HCAR3: variants seen among roughly 807,000 people sequenced by gnomAD.
HCAR3 encodes hydroxycarboxylic acid receptor 3.
For missense variants in HCAR3, 404 were observed against 501.2 expected (o/e 0.81, Z 1.85); for synonymous variants, 167 against 201.0 (o/e 0.83, Z 1.43).
In HCAR3 at chr12:122,715,853, G is replaced by T; in HGVS notation, c.885C>A (p.Tyr295Ter). Residue 295 changes from tyrosine (Y) to a stop codon, truncating the protein, a stop_gained, in exon 1 of 1, where the codon TAC (tyrosine) becomes TAA (stop). Coordinates refer to ENST00000528880, the MANE Select transcript of HCAR3 (RefSeq NM_006018.3). LOFTEE classifies it low-confidence loss of function (END_TRUNC). ...MNSMLDPVVY[Y>*]FSSPSFPNFF... ...AGTTGGGAAAGGATGGGCTGGAGAA[G>T]TAGTACACCACGGGGTCCAGCATGC... 6.3e-7 allele frequency: 1 copy of T among 1,592,198 alleles called. No homozygotes were observed. Among genetic ancestry groups the T allele is most frequent in the Non-Finnish European group, 8.6e-7 (1 of 1,165,944 alleles).
In HCAR3 at chr12:122,716,187, T is replaced by C. The variant is rs749832271; in HGVS notation, c.551A>G (p.His184Arg). 1.9e-6 allele frequency: 3 copies of C among 1,614,092 alleles called. No homozygotes were observed. Among genetic ancestry groups the C allele is most frequent in the East Asian group, 2.2e-5 (1 of 44,876 alleles). ...CATAGCTTCGTGCCACCGGAAGGTA[T>C]GGCAGATGCTGAAGCTGATGCACAC... ...ANVCISFSIC[H>R]TFRWHEAMFL... Residue 184 changes from histidine to arginine, a missense_variant, in exon 1 of 1, where the codon CAT becomes CGT. By Grantham distance (29) the His-to-Arg change is conservative. Coordinates refer to ENST00000528880, the MANE Select transcript of HCAR3 (RefSeq NM_006018.3).
Position 122,716,462 on chromosome 12 carries a change from G to A in HCAR3, c.276C>T (p.Asp92=), listed in dbSNP as rs1455654097. The stretch of plus-strand genomic sequence containing the variant: ...GGCAAGGGATGTCCCCAAACTTCCA[G>A]TCTGAACGCCGCACATAGTAGTCCA... ...FVMDYYVRRS[D]WKFGDIPCRL... is the part of the protein sequence containing the mutation. The change falls in exon 1 of 1, where the codon GAC becomes GAT. Residue 92 remains aspartate (D), a synonymous_variant. Coordinates refer to ENST00000528880, the MANE Select transcript of HCAR3 (RefSeq NM_006018.3). 6.2e-7 allele frequency: 1 copy of A among 1,613,980 alleles called. No individual in the cohort carries two copies. The highest frequency in any genetic ancestry group is 1.7e-5 in the Admixed American group (1 of 59,978).
At position 122,715,668 on chromosome 12, in the gene HCAR3, T is replaced by A; in HGVS notation, c.1070A>T (p.Tyr357Phe). ...ATGGTTATTTGAGGTTGGGCCCAGATAAGAGGGGCTCCATGGCTCACCGGA... is the reference window on the plus strand; with the variant it reads ...ATGGTTATTTGAGGTTGGGCCCAGAAAAGAGGGGCTCCATGGCTCACCGGA... The part of the protein sequence containing the change: ...ANSGEPWSPS[Y>F]LGPTSNNHSK... Residue 357 changes from tyrosine to phenylalanine, a missense_variant, in exon 1 of 1, where the codon TAT becomes TTT. Transcript: ENST00000528880. 1 of 1,613,996 alleles carries A rather than the reference T, an allele frequency of 6.2e-7. No individual in the cohort carries two copies. Among genetic ancestry groups the A allele is most frequent in the African/African-American group, 1.3e-5 (1 of 74,966 alleles).
chr12:122,715,491 T>G lies in HCAR3; in HGVS notation c.*83A>C. ...CTGCGGTCACACCTTGCAACCAGTC[T>G]CCCACTCATCTGCCACAGTTTCCCT... is the stretch of plus-strand genomic sequence containing the variant. On this transcript the variant is annotated 3_prime_UTR_variant, in exon 1 of 1. Coordinates refer to ENST00000528880, the MANE Select transcript of HCAR3 (RefSeq NM_006018.3). 1 of 1,437,688 alleles carries G rather than the reference T, an allele frequency of 7.0e-7. No individual in the cohort carries two copies. The highest frequency in any genetic ancestry group is 2.3e-5 in the East Asian group (1 of 44,214). 89.1% of individuals were successfully genotyped at this position (1,437,688 alleles called of 1,614,324 possible).
In HCAR3 at chr12:122,715,469, C is replaced by G; in HGVS notation, c.*105G>C. 1.6e-6 allele frequency: 2 copies of G among 1,240,762 alleles called. No individual in the cohort carries two copies. Among genetic ancestry groups the G allele is most frequent in the Non-Finnish European group, 2.3e-6 (2 of 883,986 alleles). The allele number at this position is 1,240,762 out of a possible 1,614,324, so 76.9% of individuals were successfully genotyped here. On this transcript the variant is annotated 3_prime_UTR_variant, in exon 1 of 1. Coordinates refer to ENST00000528880, the MANE Select transcript of HCAR3 (RefSeq NM_006018.3). ...ACTCTCTGTTCCTCCAGGATTCCTG[C>G]GGTCACACCTTGCAACCAGTCTCCC...
At position 122,716,155 on chromosome 12, in the gene HCAR3, G is replaced by A. The variant is rs775502913; in HGVS notation, c.583C>T (p.Leu195=). ...TFRWHEAMFL[L]EFFLPLGIIL... is the part of the protein sequence containing the mutation. ...ATGCCCAGGGGCAGGAAGAACTCCA[G>A]GAGGAACATAGCTTCGTGCCACCGG... The change falls in exon 1 of 1, where the codon CTG becomes TTG. Residue 195 remains leucine (L), a synonymous_variant. Coordinates refer to ENST00000528880, the MANE Select transcript of HCAR3 (RefSeq NM_006018.3). The A allele has an allele frequency of 3.1e-6, 5 of 1,613,966 alleles. No homozygotes were observed. In the African/African-American group the frequency reaches 6.7e-5, roughly 22 times the overall value.
Position 122,716,110 on chromosome 12 carries a change from T to C in HCAR3, c.628A>G (p.Arg210Gly). The stretch of plus-strand genomic sequence containing the variant: ...CTCTGCCGCAGGCTCCAGATAATTC[T>C]GGCTGAGCAGAACAGGATGATGCCC... The part of the protein sequence containing the change: ...PLGIILFCSA[R>G]IIWSLRQRQM... The change falls in exon 1 of 1, where the codon AGA becomes GGA. Residue 210 changes from arginine to glycine, a missense_variant. Physicochemically the swap from Arg to Gly is moderately radical, Grantham distance 125. Coordinates refer to ENST00000528880, the MANE Select transcript of HCAR3 (RefSeq NM_006018.3). 1 of 1,613,584 alleles carries C rather than the reference T, an allele frequency of 6.2e-7. No individual in the cohort carries two copies. Among genetic ancestry groups the C allele is most frequent in the Non-Finnish European group, 8.5e-7 (1 of 1,179,824 alleles).
At position 122,715,493 on chromosome 12, in the gene HCAR3, C is replaced by A. The variant is rs1193086357; in HGVS notation, c.*81G>T. On this transcript the variant is annotated 3_prime_UTR_variant, in exon 1 of 1. Coordinates refer to ENST00000528880, the MANE Select transcript of HCAR3 (RefSeq NM_006018.3). ...GCGGTCACACCTTGCAACCAGTCTCCCACTCATCTGCCACAGTTTCCCTAA... is the reference window on the plus strand; with the variant it reads ...GCGGTCACACCTTGCAACCAGTCTCACACTCATCTGCCACAGTTTCCCTAA... The A allele has an allele frequency of 1.5e-5, 21 of 1,448,026 alleles. No homozygotes were observed. In the African/African-American group the frequency reaches 2.8e-4, roughly 20 times the overall value. The allele number at this position is 1,448,026 out of a possible 1,614,324, so 89.7% of individuals were successfully genotyped here. A position where few individuals can be genotyped will look rare whatever the true frequency, so the allele number is the denominator to read the frequency against.
rs148858491 is a variant in HCAR3, at chr12:122,716,658, G to A, written c.80C>T (p.Ala27Val). ...CCCCAACACCGGCGGCAACACCTTG[G>A]CAATGAAGTCATCTCGGAACACACA... is the stretch of plus-strand genomic sequence containing the variant. ...NCCVFRDDFIAKVLPPVLGLE... is the reference protein window; with the variant it reads ...NCCVFRDDFIVKVLPPVLGLE... Residue 27 changes from alanine (A) to valine (V), a missense_variant, in exon 1 of 1, where the codon GCC (alanine) becomes GTC (valine). Transcript: ENST00000528880. The A allele has an allele frequency of 2.2e-3, 3,553 of 1,613,952 alleles. 10 individuals are homozygous for A. The highest frequency in any genetic ancestry group is 3.4e-3 in the South Asian group (307 of 91,042).
chr12:122,715,352 C>T lies in HCAR3; in HGVS notation c.*222G>A. 1.8e-6 allele frequency: 1 copy of T among 558,998 alleles called. No homozygotes were observed. The highest frequency in any genetic ancestry group is 3.2e-6 in the Non-Finnish European group (1 of 316,012). 34.6% of individuals were successfully genotyped at this position (558,998 alleles called of 1,614,324 possible). ...ACAAGTCACAAGTAGATCTCTGGCT[C>T]CAACTCTGCTCAGCAGAAACGCCTA... On this transcript the variant is annotated 3_prime_UTR_variant, in exon 1 of 1. Transcript: ENST00000528880.
Position 122,715,662 on chromosome 12 carries a change from C to T in HCAR3, c.1076G>A (p.Gly359Asp). The change falls in exon 1 of 1, where the codon GGC becomes GAC. Residue 359 changes from glycine to aspartate, a missense_variant. Coordinates refer to ENST00000528880, the MANE Select transcript of HCAR3 (RefSeq NM_006018.3). ...SGEPWSPSYL[G>D]PTSNNHSKKG... Reference sequence around the variant, plus strand: ...CTTGGAATGGTTATTTGAGGTTGGGCCCAGATAAGAGGGGCTCCATGGCTC... The same window carrying T: ...CTTGGAATGGTTATTTGAGGTTGGGTCCAGATAAGAGGGGCTCCATGGCTC... 1 of 1,613,964 alleles carries T rather than the reference C, an allele frequency of 6.2e-7. No individual in the cohort carries two copies. Among genetic ancestry groups the T allele is most frequent in the East Asian group, 2.2e-5 (1 of 44,868 alleles).
At position 122,716,008 on chromosome 12, in the gene HCAR3, A is replaced by G. The variant is rs1473705997; in HGVS notation, c.730T>C (p.Phe244Leu). ...MVVAIVFVIC[F>L]LPSVVVRIHI... is the part of the protein sequence containing the mutation. ...ATCCGCACAACCACGCTGGGAAGGAAGCAGATGACAAAGACGATGGCCACC... is the reference window on the plus strand; with the variant it reads ...ATCCGCACAACCACGCTGGGAAGGAGGCAGATGACAAAGACGATGGCCACC... Residue 244 changes from phenylalanine to leucine, a missense_variant, in exon 1 of 1, where the codon TTC becomes CTC. Physicochemically the swap from Phe to Leu is conservative, Grantham distance 22. Transcript: ENST00000528880. 1 of 1,588,398 alleles carries G rather than the reference A, an allele frequency of 6.3e-7. No homozygotes were observed. Among genetic ancestry groups the G allele is most frequent in the Non-Finnish European group, 8.6e-7 (1 of 1,159,790 alleles).
rs1227679296 is a variant in HCAR3, at chr12:122,715,910, G to C, written c.828C>G (p.Phe276Leu). ...CEVYRSVDLA[F>L]FITLSFTYMN... ...TGTAGGTGAAGCTGAGAGTGATAAAGAACGCCAGGTCCACCGAGCGGTACA... is the reference window on the plus strand; with the variant it reads ...TGTAGGTGAAGCTGAGAGTGATAAACAACGCCAGGTCCACCGAGCGGTACA... Residue 276 changes from phenylalanine (F) to leucine (L), a missense_variant, in exon 1 of 1, where the codon TTC (phenylalanine) becomes TTG (leucine). Phe to Leu is a conservative substitution (Grantham distance 22, BLOSUM62 0). Coordinates refer to ENST00000528880, the MANE Select transcript of HCAR3 (RefSeq NM_006018.3). The C allele has an allele frequency of 5.7e-6, 9 of 1,574,116 alleles. No individual in the cohort carries two copies. Among genetic ancestry groups the C allele is most frequent in the Middle Eastern group, 1.7e-4 (1 of 5,930 alleles).
In HCAR3 at chr12:122,716,495, C is replaced by G. The variant is rs3825151; in HGVS notation, c.243G>C (p.Pro81=). 3.8e-5 allele frequency: 62 copies of G among 1,613,928 alleles called. No individual in the cohort carries two copies. The highest frequency in any genetic ancestry group is 4.7e-5 in the Non-Finnish European group (55 of 1,180,014). Residue 81 remains proline (P), a synonymous_variant, in exon 1 of 1, where the codon CCG becomes CCC. Transcript: ENST00000528880. ...GCCGCACATAGTAGTCCATCACGAACGGCAGGCAGATGATCAGTAGAAAGT... is the reference window on the plus strand; with the variant it reads ...GCCGCACATAGTAGTCCATCACGAAGGGCAGGCAGATGATCAGTAGAAAGT... ...VADFLLIICL[P]FVMDYYVRRS...
rs781238025 is a variant in HCAR3 at position 122,716,572 on chromosome 12, G to C, written c.166C>G (p.Leu56Val). 3 of 1,614,104 alleles carry C rather than the reference G, an allele frequency of 1.9e-6. No homozygotes were observed. The East Asian group carries it at 6.7e-5, about 36-fold the overall frequency. Residue 56 changes from leucine (L) to valine (V), a missense_variant, in exon 1 of 1, where the codon CTC becomes GTC. Transcript: ENST00000528880. ...ATCCGGCTGGATTTCCAGGACTTGA[G>C]GTGGAAACAGAAAATCCACAGGGCA... is the stretch of plus-strand genomic sequence containing the variant. ...GLALWIFCFH[L>V]KSWKSSRIFL...
In HCAR3 at chr12:122,716,073, C is replaced by A. The variant is rs753724916; in HGVS notation, c.665G>T (p.Arg222Leu). 1.2e-6 allele frequency: 2 copies of A among 1,610,682 alleles called. No individual in the cohort carries two copies. Among genetic ancestry groups the A allele is most frequent in the South Asian group, 2.2e-5 (2 of 90,976 alleles). Residue 222 changes from arginine (R) to leucine (L), a missense_variant, in exon 1 of 1, where the codon CGG (arginine) becomes CTG (leucine). By Grantham distance (102) the Arg-to-Leu change is moderately radical. Coordinates refer to ENST00000528880, the MANE Select transcript of HCAR3 (RefSeq NM_006018.3). ...GATGGCTCTCTTGATCTTGGCATGC[C>A]GGTCCATTTGTCTCTGCCGCAGGCT... The part of the protein sequence containing the change: ...IWSLRQRQMD[R>L]HAKIKRAITF...
chr12:122,715,464 T>C lies in HCAR3; in HGVS notation c.*110A>G. 8.3e-7 allele frequency: 1 copy of C among 1,203,322 alleles called. No individual in the cohort carries two copies. The highest frequency in any genetic ancestry group is 1.2e-6 in the Non-Finnish European group (1 of 850,256). 74.5% of individuals were successfully genotyped at this position (1,203,322 alleles called of 1,614,324 possible). A position where few individuals can be genotyped will look rare whatever the true frequency, so the allele number is the denominator to read the frequency against. On this transcript the variant is annotated 3_prime_UTR_variant, in exon 1 of 1. Transcript: ENST00000528880. ...GCTTTACTCTCTGTTCCTCCAGGATTCCTGCGGTCACACCTTGCAACCAGT... is the reference window on the plus strand; with the variant it reads ...GCTTTACTCTCTGTTCCTCCAGGATCCCTGCGGTCACACCTTGCAACCAGT...
rs1482224634 is a variant in HCAR3 at position 122,716,743 on chromosome 12, C to T, written c.-6G>A. ...TGCAGATGGTGCCGATTCATGAGTG[C>T]AGCTAGTGAGTCCGATGGAGCGCCT... On this transcript the variant is annotated 5_prime_UTR_variant, in exon 1 of 1. Coordinates refer to ENST00000528880, the MANE Select transcript of HCAR3 (RefSeq NM_006018.3). 10 of 1,611,496 alleles carry T rather than the reference C, an allele frequency of 6.2e-6. No homozygotes were observed. Among genetic ancestry groups the T allele is most frequent in the South Asian group, 1.1e-5 (1 of 90,942 alleles).
In HCAR3 at chr12:122,716,228, C is replaced by T; in HGVS notation, c.510G>A (p.Gln170=). 6.2e-7 allele frequency: 1 copy of T among 1,614,118 alleles called. No individual in the cohort carries two copies. The highest frequency in any genetic ancestry group is 8.5e-7 in the Non-Finnish European group (1 of 1,180,030). Residue 170 remains glutamine, a synonymous_variant, in exon 1 of 1, where the codon CAG becomes CAA. Coordinates refer to ENST00000528880, the MANE Select transcript of HCAR3 (RefSeq NM_006018.3). Reference sequence around the variant, plus strand: ...TGATGCACACATTTGCAGTGCCATTCTGGATCAGCAACTTCTTCTTCAGGA... The same window carrying T: ...TGATGCACACATTTGCAGTGCCATTTTGGATCAGCAACTTCTTCTTCAGGA... ...VHLLKKKLLI[Q]NGTANVCISF...
Sources: gnomAD v4.1 joint callset for allele counts on GRCh38, gnomAD v4.1.1 for gene constraint, MANE v1.5 for transcripts, NCBI Gene and HGNC (gene_info 2026-07-23, HGNC 2026-07-21) for gene names.